The following DEFB118 variants were observed in gnomAD, a reference collection of about 807,000 sequenced individuals.
The protein encoded by DEFB118 is defensin beta 118.
DEFB118 carries 3 observed loss-of-function variants against 2.8 expected under a neutral mutation model. That is an observed-to-expected ratio of 1.09 (90% CI 0.50 to 2.82). DEFB118 has a LOEUF of 2.82. DEFB118 is among the 30% of genes most tolerant of loss of function. The probability of loss-of-function intolerance (pLI) is 0.04; values close to 1 mark genes in which losing one functional copy is unlikely to be tolerated. For synonymous variants in DEFB118, 63 were observed against 53.5 expected (o/e 1.18, Z -0.78); for missense variants, 159 against 144.6 (o/e 1.10, Z -0.51).
At position 31,373,900 on chromosome 20, in the gene DEFB118, C is replaced by CAAAAA. The variant is rs60446679; in HGVS notation, c.*749_*753dup. On this transcript the variant is annotated 3_prime_UTR_variant, in exon 2 of 2. Transcript: ENST00000253381. Reference sequence around the variant, plus strand: ...AGCTTTATTTGTCTCCCTCTGATAGCAAAAAAAAAAAAAAAAAAAAAAATC... The same window carrying CAAAAA: ...AGCTTTATTTGTCTCCCTCTGATAGCAAAAAAAAAAAAAAAAAAAAAAAAAAAATC... 1 of 64,578 alleles carries CAAAAA rather than the reference C, an allele frequency of 1.5e-5. No individual in the cohort carries two copies. Among genetic ancestry groups the CAAAAA allele is most frequent in the Non-Finnish European group, 3.6e-5 (1 of 27,520 alleles). 4.0% of individuals were successfully genotyped at this position (64,578 alleles called of 1,614,324 possible).
downstream of DEFB118, chr20:31,373,923 ATCT>A (rs1345219674): frequency 6.7e-6 from 1 of 149,898 alleles, no homozygotes; most frequent in Non-Finnish European, 1.5e-5. Context: ...AAAAAAAAAA[ATCT>A]TCACATCCTA....
chr20:31,371,969 A>G (rs924812590), intron 1 of DEFB118, among the ~76,000 whole-genome samples: 4 of 152,108 alleles, frequency 2.6e-5, no homozygotes, highest in Non-Finnish European at 5.9e-5. Context: ...GAGTTACTTC[A>G]CTTAAAATAA....
In DEFB118 at chr20:31,373,383, C is replaced by A; in HGVS notation, c.*213C>A. On this transcript the variant is annotated 3_prime_UTR_variant, in exon 2 of 2. Coordinates refer to ENST00000253381, the MANE Select transcript of DEFB118 (RefSeq NM_054112.3). ...TTGAAATGTCACATTATTTCCACAA[C>A]AAGTTATAACCTATTTTTAGTATTT... is the stretch of plus-strand genomic sequence containing the variant. The A allele has an allele frequency of 1.8e-6, 1 of 566,154 alleles. No homozygotes were observed. The highest frequency in any genetic ancestry group is 3.1e-6 in the Non-Finnish European group (1 of 321,502). The allele number at this position is 566,154 out of a possible 1,614,324, so 35.1% of individuals were successfully genotyped here. A position where few individuals can be genotyped will look rare whatever the true frequency, so the allele number is the denominator to read the frequency against.
At position 31,368,645 on chromosome 20, in the gene DEFB118, A is replaced by C. The variant is rs1300108224; in HGVS notation, c.-6A>C. 1 of 1,613,598 alleles carries C rather than the reference A, an allele frequency of 6.2e-7. No individual in the cohort carries two copies. The highest frequency in any genetic ancestry group is 8.5e-7 in the Non-Finnish European group (1 of 1,179,716). ...TGGATCTACCACCTCCTGCTTCCCAAGGACCATGAAACTCCTGCTGCTGGC... is the reference window on the plus strand; with the variant it reads ...TGGATCTACCACCTCCTGCTTCCCACGGACCATGAAACTCCTGCTGCTGGC... On this transcript the variant is annotated 5_prime_UTR_variant, in exon 1 of 2. Transcript: ENST00000253381.
rs981996466 is a variant in DEFB118, at chr20:31,371,480, T to A, written c.59-1377T>A. ...TATCTACTTTTTTTCTTTTTCTTTT[T>A]TTTCTTTTTTGAGACAGTCTCGCTC... On this transcript the variant is annotated intron_variant, in intron 1 of 1. Transcript: ENST00000253381. Among the ~76,000 whole-genome samples, 6 of 148,004 alleles carry A rather than the reference T, an allele frequency of 4.1e-5. 1 individual carries two copies. The highest frequency in any genetic ancestry group is 4.0e-4 in the Admixed American group (6 of 15,022).
Position 31,368,632 on chromosome 20 carries a change from C to A in DEFB118, c.-19C>A, listed in dbSNP as rs1986156822. On this transcript the variant is annotated 5_prime_UTR_variant, in exon 1 of 2. Transcript: ENST00000253381. ...TATTCTGAACTCCTGGATCTACCAC[C>A]TCCTGCTTCCCAAGGACCATGAAAC... 1.2e-6 allele frequency: 2 copies of A among 1,613,448 alleles called. No individual in the cohort carries two copies. The highest frequency in any genetic ancestry group is 1.7e-6 in the Non-Finnish European group (2 of 1,179,484).
In DEFB118 at chr20:31,373,900, C is replaced by CAAAAAAAAAAAAAAAA. The variant is rs60446679; in HGVS notation, c.*738_*753dup. ...AGCTTTATTTGTCTCCCTCTGATAGCAAAAAAAAAAAAAAAAAAAAAAATC... is the reference window on the plus strand; with the variant it reads ...AGCTTTATTTGTCTCCCTCTGATAGCAAAAAAAAAAAAAAAAAAAAAAAAAAAAAAAAAAAAAAATC... On this transcript the variant is annotated 3_prime_UTR_variant, in exon 2 of 2. Transcript: ENST00000253381. The CAAAAAAAAAAAAAAAA allele has an allele frequency of 1.5e-5, 1 of 64,594 alleles. No homozygotes were observed. Among genetic ancestry groups the CAAAAAAAAAAAAAAAA allele is most frequent in the Non-Finnish European group, 3.6e-5 (1 of 27,532 alleles). 4.0% of individuals were successfully genotyped at this position (64,594 alleles called of 1,614,324 possible). A position where few individuals can be genotyped will look rare whatever the true frequency, so the allele number is the denominator to read the frequency against.
At position 31,373,263 on chromosome 20, in the gene DEFB118, C is replaced by G; in HGVS notation, c.*93C>G. ...TGAAAACACCACAGTGACCCTCCCA[C>G]CCCCCACCAATATGTAATTCTATTA... On this transcript the variant is annotated 3_prime_UTR_variant, in exon 2 of 2. Transcript: ENST00000253381. 1.8e-6 allele frequency: 2 copies of G among 1,095,276 alleles called. No homozygotes were observed. The highest frequency in any genetic ancestry group is 3.1e-5 in the South Asian group (2 of 63,890). 67.8% of individuals were successfully genotyped at this position (1,095,276 alleles called of 1,614,324 possible).
intron 1 of DEFB118, among the ~76,000 whole-genome samples, chr20:31,372,382 T>C (rs920617830): frequency 1.1e-4 from 17 of 152,096 alleles, no homozygotes; most frequent in Non-Finnish European, 2.5e-4. Context: ...AAACCCCATC[T>C]GACTAAAAAT....
chr20:31,369,818 G>C (rs1452696133), intron 1 of DEFB118, among the ~76,000 whole-genome samples: 2 of 152,106 alleles, frequency 1.3e-5, no homozygotes, highest in East Asian at 3.8e-4. Context: ...GTCATATATA[G>C]CCATTTGAGA....
chr20:31,371,269 G>A (rs916086853), intron 1 of DEFB118, among the ~76,000 whole-genome samples: 5 of 151,868 alleles, frequency 3.3e-5, no homozygotes, highest in African/African-American at 7.3e-5. Context: ...AGTTAGTCTC[G>A]TAGCTCGCCC....
Position 31,368,676 on chromosome 20 carries a change from C to T in DEFB118, c.26C>T (p.Pro9Leu), listed in dbSNP as rs752955349. Residue 9 changes from proline (P) to leucine (L), a missense_variant, in exon 1 of 2, where the codon CCT becomes CTT. Physicochemically the swap from Pro to Leu is moderately conservative, Grantham distance 98. Transcript: ENST00000253381. ...ATGAAACTCCTGCTGCTGGCTCTTC[C>T]TATGCTTGTGCTCCTACCCCAAGTG... MKLLLLAL[P>L]MLVLLPQVIP... The T allele has an allele frequency of 5.5e-5, 88 of 1,613,682 alleles. No homozygotes were observed. Among genetic ancestry groups the T allele is most frequent in the Non-Finnish European group, 7.3e-5 (86 of 1,179,780 alleles).
At chr20:31,369,373 C>T (rs1182721786) in intron 1 of DEFB118, among the ~76,000 whole-genome samples, 2 of 147,944 alleles carry the variant, frequency 1.4e-5, no homozygotes, top group Admixed American at 6.8e-5. Context: ...CATGGCTATG[C>T]AGCACTCTTG....
chr20:31,368,794 A>T, intron 1 of DEFB118, 86 bp downstream of exon 1: 4 of 1,296,790 alleles, frequency 3.1e-6, no homozygotes, highest in Non-Finnish European at 4.4e-6. Flanking sequence ...GTACTCCCCA[A>T]CATGGGCAGC....
chr20:31,372,186 A>G (rs1239383709), intron 1 of DEFB118, among the ~76,000 whole-genome samples: 1 of 152,230 alleles, frequency 6.6e-6, no homozygotes, highest in Non-Finnish European at 1.5e-5. Flanking sequence ...ACTCATGTGA[A>G]TGTATACTTT....
chr20:31,373,862 C>A lies in DEFB118; in HGVS notation c.*692C>A, dbSNP rs1477926538. ...GGTGAAAGGATGGATCATTTATCTA[C>A]CTGATTACTGAGAGCTTTATTTGTC... On this transcript the variant is annotated 3_prime_UTR_variant, in exon 2 of 2. Coordinates refer to ENST00000253381, the MANE Select transcript of DEFB118 (RefSeq NM_054112.3). 6.7e-6 allele frequency: 1 copy of A among 148,640 alleles called. No individual in the cohort carries two copies. Among genetic ancestry groups the A allele is most frequent in the Non-Finnish European group, 1.5e-5 (1 of 67,656 alleles). 9.2% of individuals were successfully genotyped at this position (148,640 alleles called of 1,614,324 possible).
chr20:31,369,270 A>G (rs1343909970), intron 1 of DEFB118, among the ~76,000 whole-genome samples: 12 of 151,680 alleles, frequency 7.9e-5, no homozygotes, highest in Admixed American at 7.2e-4. Context: ...TTTCTCCTTT[A>G]TGTTTTTCAA....
intron 1 of DEFB118, among the ~76,000 whole-genome samples, chr20:31,371,936 G>A (rs922832559): frequency 6.6e-6 from 1 of 152,082 alleles, no homozygotes; most frequent in African/African-American, 2.4e-5. Flanking sequence ...GTGAGAACAT[G>A]TGGTATTTGT....
chr20:31,371,531 C>T lies in DEFB118; in HGVS notation c.59-1326C>T, dbSNP rs546536490. The stretch of plus-strand genomic sequence containing the variant: ...TGTTGCCCAGGCTGAAGTGCAGTGG[C>T]ACGATCTCAACTCACTGCAGCCTCC... On this transcript the variant is annotated intron_variant, in intron 1 of 1. Coordinates refer to ENST00000253381, the MANE Select transcript of DEFB118 (RefSeq NM_054112.3). 1.0e-3 allele frequency among the ~76,000 whole-genome samples: 159 copies of T among 152,004 alleles called. 2 individuals are homozygous for T. The highest frequency in any genetic ancestry group is 0.01 in the Middle Eastern group (3 of 294).
Sources: allele counts gnomAD v4.1 joint callset (sites outside exome capture counted in the v4.1 genomes callset), GRCh38; gene constraint gnomAD v4.1.1; transcripts MANE v1.5; gene names NCBI Gene and HGNC (gene_info 2026-07-23, HGNC 2026-07-21).